HHAT: variants seen among roughly 807,000 people sequenced by gnomAD.
The protein encoded by HHAT is hedgehog acyltransferase, also known as protein-cysteine N-palmitoyltransferase HHAT.
A neutral mutation model predicts 70.8 loss-of-function variants in HHAT; 47 were observed. The ratio of observed to expected loss-of-function variants is 0.66; its 90% CI spans 0.53 to 0.85. The LOEUF is 0.85. Ranked by LOEUF, HHAT falls within the 40% of genes least tolerant of loss-of-function variation. The pLI, the probability that HHAT is intolerant of heterozygous loss-of-function variation, is 0.00. For missense variants in HHAT, 609 were observed against 604.8 expected (o/e 1.01, Z -0.07); for synonymous variants, 228 against 247.6 (o/e 0.92, Z 0.74).
At chr1:210,336,821 T>C (rs1381653371) in intron 1 of HHAT, among the ~76,000 whole-genome samples, 1 of 152,044 alleles carries the variant, frequency 6.6e-6, no homozygotes, top group Non-Finnish European at 1.5e-5. Context: ...AGCCTTAAGG[T>C]TTTTTCTTCA....
At chr1:210,671,064 C>T (rs1679970348) in intron 11 of HHAT, among the ~76,000 whole-genome samples, 1 of 152,184 alleles carries the variant, frequency 6.6e-6, no homozygotes, top group South Asian at 2.1e-4. Flanking sequence ...GACAGTCTTC[C>T]TTACAGCCCT....
intron 10 of HHAT, chr1:210,590,042 C>A (rs909380920): frequency 2.6e-5 from 4 of 152,146 alleles, no homozygotes; most frequent in Non-Finnish European, 4.4e-5. Context: ...ACGATGGACT[C>A]CTTGAGTACA....
intron 11 of HHAT, among the ~76,000 whole-genome samples, chr1:210,654,518 C>G (rs1675972314): frequency 6.6e-6 from 1 of 152,224 alleles, no homozygotes; most frequent in African/African-American, 2.4e-5. Flanking sequence ...AGGAAACACC[C>G]TGGGGTTCTG....
intron 9 of HHAT, among the ~76,000 whole-genome samples, chr1:210,577,939 C>T (rs1016076289): frequency 2.6e-5 from 4 of 152,042 alleles, no homozygotes; most frequent in African/African-American, 9.7e-5. Flanking sequence ...AGCCACTGCG[C>T]CCAGTTGGCC....
chr1:210,576,320 TA>T (rs1657726477), intron 9 of HHAT, among the ~76,000 whole-genome samples: 1 of 152,092 alleles, frequency 6.6e-6, no homozygotes, highest in Admixed American at 6.5e-5. Flanking sequence ...CTGCACATAT[TA>T]ATGTGTACAA....
intron 10 of HHAT, among the ~76,000 whole-genome samples, chr1:210,610,832 G>A (rs10779540): frequency 0.8 from 122,040 of 151,924 alleles, 51,440 homozygotes; most frequent in East Asian, 0.99. Context: ...ATAGGTATGC[G>A]GTCTCATTTC....
intron 7 of HHAT, chr1:210,439,764 A>G (rs1197160812): frequency 7.9e-5 from 12 of 151,910 alleles, no homozygotes; most frequent in Admixed American, 7.9e-4. Context: ...GTAAGGCCAG[A>G]TCAGCCTCAT....
At position 210,400,470 on chromosome 1, in the gene HHAT, CA is replaced by C; in HGVS notation, c.277del (p.Arg93AspfsTer43). On this transcript the variant is annotated frameshift_variant, in exon 5 of 12. Transcript: ENST00000261458. LOFTEE classifies it high-confidence loss of function. ...TGGATGGGCCCCACCATTTGCAGCA[CA>C]GACCCTGGATTCTCATGCTCTATGG... ...QMATLLARKH[R>X]PWILMLYGMW... The C allele has an allele frequency of 6.2e-7, 1 of 1,608,354 alleles. No individual in the cohort carries two copies. Among genetic ancestry groups the C allele is most frequent in the South Asian group, 1.1e-5 (1 of 90,024 alleles).
intron 10 of HHAT, among the ~76,000 whole-genome samples, chr1:210,595,581 A>T (rs994658608): frequency 6.6e-6 from 1 of 152,206 alleles, no homozygotes; most frequent in Non-Finnish European, 1.5e-5. Flanking sequence ...CAGTCCCACC[A>T]TCAGTGTAAA....
chr1:210,344,088 C>A (rs1184545959), intron 1 of HHAT, among the ~76,000 whole-genome samples: 2 of 152,162 alleles, frequency 1.3e-5, no homozygotes, highest in African/African-American at 2.4e-5. Context: ...CTGAACCCCA[C>A]AGGTGGGTTT....
chr1:210,560,864 G>T lies in HHAT; in HGVS notation c.1044-27034G>T, dbSNP rs1253652750. Among the ~76,000 whole-genome samples the T allele has an allele frequency of 8.1e-5, 11 of 135,014 alleles. No homozygotes were observed. The Admixed American group carries it at 8.4e-4, about 10-fold the overall frequency. 88.6% of individuals were successfully genotyped at this position (135,014 alleles called of 152,430 possible). On this transcript the variant is annotated intron_variant, in intron 9 of 11. Transcript: ENST00000261458. Reference sequence around the variant, plus strand: ...AAAAAAAAAAAAACCAGAGTAGAATGTGGTGGATCGTTTTTTTCCTCTTTC... The same window carrying T: ...AAAAAAAAAAAAACCAGAGTAGAATTTGGTGGATCGTTTTTTTCCTCTTTC...
At chr1:210,631,094 T>C (rs191086699) in intron 11 of HHAT, 1 of 456,618 alleles carries the variant, frequency 2.2e-6, no homozygotes, top group African/African-American at 2.0e-5. Flanking sequence ...AGGTACTGGC[T>C]ACCTTTGTTC....
chr1:210,475,253 C>T (rs2094286855), intron 8 of HHAT, among the ~76,000 whole-genome samples: 1 of 152,130 alleles, frequency 6.6e-6, no homozygotes, highest in African/African-American at 2.4e-5. Flanking sequence ...CCTTGCCATC[C>T]ATCATGCTGT....
At chr1:210,374,048 CAAGTTCTGTTACACAATGTT>C (rs1169295119) in intron 3 of HHAT, 9 of 151,998 alleles carry the variant, frequency 5.9e-5, no homozygotes, top group Non-Finnish European at 1.2e-4. Flanking sequence ...ACTGTCTTTG[CAAGTTCTGTTACACAATGTT>C]TAAACAAACA....
intron 11 of HHAT, among the ~76,000 whole-genome samples, chr1:210,661,560 C>T (rs1012100626): frequency 6.6e-6 from 1 of 152,166 alleles, no homozygotes; most frequent in African/African-American, 2.4e-5. Flanking sequence ...GGTATATACC[C>T]AAAGGATTAC....
chr1:210,584,245 G>A (rs1659933411), intron 9 of HHAT, among the ~76,000 whole-genome samples: 1 of 151,778 alleles, frequency 6.6e-6, no homozygotes, highest in Admixed American at 6.6e-5. Context: ...CCCAGCTGCA[G>A]CTCACTTTTA....
chr1:210,644,066 T>C (rs1332831167), intron 11 of HHAT, among the ~76,000 whole-genome samples: 1 of 152,054 alleles, frequency 6.6e-6, no homozygotes, highest in Non-Finnish European at 1.5e-5. Flanking sequence ...AGCCATAGAA[T>C]TGTAGATAGT....
At chr1:210,603,763 C>A (rs1245647716) in intron 10 of HHAT, among the ~76,000 whole-genome samples, 3 of 152,192 alleles carry the variant, frequency 2.0e-5, no homozygotes, top group African/African-American at 7.2e-5. Context: ...TAAAATTCTT[C>A]TAAAGTATCT....
intron 10 of HHAT, among the ~76,000 whole-genome samples, chr1:210,611,856 C>T (rs1334257130): frequency 2.6e-5 from 4 of 152,126 alleles, no homozygotes; most frequent in Admixed American, 2.6e-4. Context: ...GGGATGAAGC[C>T]AACTTGATTG....
Sources: gnomAD v4.1 joint callset for allele counts (sites outside exome capture counted in the v4.1 genomes callset) on GRCh38, gnomAD v4.1.1 for gene constraint, MANE v1.5 for transcripts, NCBI Gene and HGNC (gene_info 2026-07-23, HGNC 2026-07-21) for gene names.